Variants in PCSK6 observed in about 807,000 individuals in gnomAD.
PCSK6 encodes paired basic amino acid cleaving enzyme 4.
Under a neutral mutation model 123.3 loss-of-function variants are expected in PCSK6, and 85 were observed. That is an observed-to-expected ratio of 0.69 (90% confidence interval 0.58 to 0.83). The LOEUF (loss-of-function observed/expected upper bound fraction) is 0.83. Ranked by LOEUF, PCSK6 falls within the 40% of genes least tolerant of loss-of-function variation. The pLI is 0.00. For missense variants in PCSK6, 1,191 were observed against 1,282.3 expected (o/e 0.93, Z 1.09); for synonymous variants, 508 against 516.0 (o/e 0.98, Z 0.21).
chr15:101,348,154 G>C (rs2040789260), intron 13 of PCSK6, among the ~76,000 whole-genome samples: 1 of 135,332 alleles, frequency 7.4e-6, no homozygotes, highest in South Asian at 2.5e-4. Flanking sequence ...CGCCCCCCCG[G>C]GGTCCCGCTG....
At position 101,489,681 on chromosome 15, in the gene PCSK6, G is replaced by A; in HGVS notation, c.-11C>T. On this transcript the variant is annotated 5_prime_UTR_variant, in exon 1 of 22. Coordinates refer to ENST00000611716, the MANE Select transcript of PCSK6 (RefSeq NM_002570.5). ...CGCGCGCGGAGGCATAGCGGCGACA[G>A]GCTCGCGCGGCGCCCGAGCTGCGAG... 1.0e-6 allele frequency: 1 copy of A among 972,186 alleles called. No individual in the cohort carries two copies. Among genetic ancestry groups the A allele is most frequent in the South Asian group, 4.6e-5 (1 of 21,680 alleles). 60.2% of individuals were successfully genotyped at this position (972,186 alleles called of 1,614,324 possible). A position where few individuals can be genotyped will look rare whatever the true frequency, so the allele number is the denominator to read the frequency against.
chr15:101,371,722 C>G (rs888552921), intron 11 of PCSK6, among the ~76,000 whole-genome samples: 2 of 152,222 alleles, frequency 1.3e-5, no homozygotes, highest in African/African-American at 4.8e-5. Flanking sequence ...GCCTCACTGC[C>G]TCCGCCTCCA....
chr15:101,479,264 C>A (rs1028281062), intron 1 of PCSK6, among the ~76,000 whole-genome samples: 1 of 152,198 alleles, frequency 6.6e-6, no homozygotes, highest in Non-Finnish European at 1.5e-5. Context: ...CAGGTTAAAA[C>A]GACAGCAACA....
chr15:101,473,464 G>T (rs928763128), intron 1 of PCSK6, among the ~76,000 whole-genome samples: 2 of 152,102 alleles, frequency 1.3e-5, no homozygotes, highest in African/African-American at 4.8e-5. Flanking sequence ...GTTTTCTAAC[G>T]TTTTCTGATT....
intron 8 of PCSK6, among the ~76,000 whole-genome samples, chr15:101,391,041 C>T (rs2042220027): frequency 6.6e-6 from 1 of 152,096 alleles, no homozygotes; most frequent in African/African-American, 2.4e-5. Context: ...GGCCAACTGT[C>T]TAGGGAAGGT....
At chr15:101,314,232 G>A (rs1315731433) in intron 19 of PCSK6, among the ~76,000 whole-genome samples, 2 of 152,182 alleles carry the variant, frequency 1.3e-5, no homozygotes, top group Non-Finnish European at 2.9e-5. Flanking sequence ...CACGAGTCAT[G>A]GAGGAAAACC....
intron 1 of PCSK6, among the ~76,000 whole-genome samples, chr15:101,486,303 TAA>T (rs1698849587): frequency 6.6e-6 from 1 of 152,206 alleles, no homozygotes; most frequent in African/African-American, 2.4e-5. Context: ...TGTTTCTCTA[TAA>T]AAGTCTCACC....
At chr15:101,470,874 C>T (rs183674288) in intron 1 of PCSK6, among the ~76,000 whole-genome samples, 2 of 152,308 alleles carry the variant, frequency 1.3e-5, no homozygotes, top group Admixed American at 1.3e-4. Context: ...TTCAATTCAA[C>T]AACTCGAGAG....
intron 6 of PCSK6, among the ~76,000 whole-genome samples, chr15:101,420,835 G>A (rs954672898): frequency 6.6e-6 from 1 of 152,230 alleles, no homozygotes; most frequent in African/African-American, 2.4e-5. Context: ...AAACAATGAA[G>A]ATGGCACATG....
rs1393112635 is a variant in PCSK6 at position 101,339,996 on chromosome 15, C to T, written c.1859-7965G>A. Among the ~76,000 whole-genome samples the T allele has an allele frequency of 2.0e-5, 3 of 151,792 alleles. No homozygotes were observed. The East Asian group carries it at 5.8e-4, about 29-fold the overall frequency. ...GTATGTATATGTATACACACACAAA[C>T]AGAAATATCAACCTTTACTCAATAA... On this transcript the variant is annotated intron_variant, in intron 13 of 21. Transcript: ENST00000611716.
intron 17 of PCSK6, among the ~76,000 whole-genome samples, chr15:101,323,551 T>C (rs1166516943): frequency 6.6e-6 from 1 of 152,052 alleles, no homozygotes; most frequent in Non-Finnish European, 1.5e-5. Flanking sequence ...ACCAACATGG[T>C]GAAACCCCAT....
At chr15:101,378,796 G>A (rs1292728262) in intron 11 of PCSK6, among the ~76,000 whole-genome samples, 1 of 152,236 alleles carries the variant, frequency 6.6e-6, no homozygotes, top group East Asian at 1.9e-4. Context: ...GTGTCCAGGT[G>A]AGAAATGCCA....
chr15:101,405,488 G>C (rs118016611), intron 6 of PCSK6, among the ~76,000 whole-genome samples: 2 of 152,124 alleles, frequency 1.3e-5, no homozygotes. Context: ...GGAAGAACTC[G>C]GGGTGCTATG....
At chr15:101,481,455 A>C (rs1205338946) in intron 1 of PCSK6, among the ~76,000 whole-genome samples, 2 of 152,172 alleles carry the variant, frequency 1.3e-5, no homozygotes, top group Non-Finnish European at 2.9e-5. Flanking sequence ...AGAACAACAG[A>C]AGCAAAGCCT....
chr15:101,347,333 T>G (rs2040761157), intron 13 of PCSK6: 4 of 1,234,482 alleles, frequency 3.2e-6, no homozygotes, highest in South Asian at 8.4e-5. Flanking sequence ...AGCAATAAAA[T>G]GAGAACAGTT....
At chr15:101,479,126 C>T (rs931527176) in intron 1 of PCSK6, among the ~76,000 whole-genome samples, 18 of 152,304 alleles carry the variant, frequency 1.2e-4, no homozygotes, top group Admixed American at 5.2e-4. Flanking sequence ...AGAGACACCC[C>T]GCACGCCATG....
intron 13 of PCSK6, 75 bp downstream of exon 13, chr15:101,366,121 T>C (rs2041379582): frequency 7.1e-7 from 1 of 1,414,602 alleles, no homozygotes; most frequent in Non-Finnish European, 9.6e-7. Flanking sequence ...AGAGACTCCG[T>C]AGTTAAATAA....
At chr15:101,405,343 T>C (rs553776160) in intron 6 of PCSK6, among the ~76,000 whole-genome samples, 20 of 152,244 alleles carry the variant, frequency 1.3e-4, no homozygotes, top group African/African-American at 4.6e-4. Context: ...GCATGCTGGG[T>C]TCAGAGCACA....
chr15:101,432,190 C>T (rs528104236), intron 2 of PCSK6, 90 bp from the exon 3 acceptor site: 112 of 1,023,146 alleles, frequency 1.1e-4, no homozygotes, highest in Non-Finnish European at 1.5e-4. Flanking sequence ...CTTCCTTGTG[C>T]GTGAATATCT....
Sources: allele counts gnomAD v4.1 joint callset (sites outside exome capture counted in the v4.1 genomes callset), GRCh38; gene constraint gnomAD v4.1.1; transcripts MANE v1.5; gene names NCBI Gene and HGNC (gene_info 2026-07-23, HGNC 2026-07-21).